The following FRMPD4 variants were observed in gnomAD, a reference collection of about 807,000 sequenced individuals.
The protein encoded by FRMPD4 is FERM and PDZ domain containing 4, also known as FERM and PDZ domain-containing protein 4.
Under a neutral mutation model 94.1 loss-of-function variants are expected in FRMPD4, and 22 were observed. The observed-to-expected ratio is 0.23, with a 90% CI of 0.17 to 0.33. FRMPD4 has a LOEUF of 0.33. FRMPD4 is among the 10% of genes least tolerant of loss of function. FRMPD4 has a pLI of 1.00. For missense variants in FRMPD4, 1,111 were observed against 1,339.9 expected, an observed-to-expected ratio of 0.83 and a Z score of 2.67; for synonymous variants, 631 against 548.6, an observed-to-expected ratio of 1.15 and a Z score of -2.10.
chrX:11,853,572 A>G (rs777561819), intron 1 of FRMPD4, among the ~76,000 whole-genome samples: 1 of 111,936 alleles, frequency 8.9e-6, no homozygotes, highest in East Asian at 2.8e-4. Flanking sequence ...CAGAAATTCA[A>G]ACAACCATCA....
At chrX:12,214,553 C>CCTAAATAAAGAGTGA (rs2056785718) in intron 1 of FRMPD4, among the ~76,000 whole-genome samples, 1 of 112,503 alleles carries the variant, frequency 8.9e-6, no homozygotes, top group Non-Finnish European at 1.9e-5. Context: ...GACCTCAAGG[C>CCTAAATAAAGAGTGA]AAAGAGAAAT....
At chrX:11,945,570 G>A (rs768999782) in intron 3 of FRMPD4, among the ~76,000 whole-genome samples, 7 of 111,805 alleles carry the variant, frequency 6.3e-5, no homozygotes, top group African/African-American at 2.3e-4. Context: ...AGTTTTGCAG[G>A]TTATACAAGC....
intron 1 of FRMPD4, among the ~76,000 whole-genome samples, chrX:12,349,362 T>C (rs112677546): frequency 9.0e-5 from 10 of 110,686 alleles, no homozygotes; most frequent in African/African-American, 3.0e-4. Flanking sequence ...TAAGTCCCGA[T>C]GTGATCAAAA....
chrX:12,446,809 G>A (rs1387530664), intron 1 of FRMPD4, among the ~76,000 whole-genome samples: 1 of 111,813 alleles, frequency 8.9e-6, no homozygotes, highest in East Asian at 2.8e-4. Context: ...GCAGCATGAA[G>A]GCTGACTAAT....
intron 1 of FRMPD4, among the ~76,000 whole-genome samples, chrX:12,389,723 A>G (rs2056450232): frequency 8.9e-6 from 1 of 111,844 alleles, no homozygotes; most frequent in South Asian, 3.8e-4. Flanking sequence ...ACAAGAAAGG[A>G]TCCCTGAATT....
chrX:12,114,491 C>A (rs1162168305), intron 3 of FRMPD4, among the ~76,000 whole-genome samples: 1 of 112,042 alleles, frequency 8.9e-6, no homozygotes, highest in Admixed American at 9.5e-5. Flanking sequence ...TATTACTTAA[C>A]CAAAAAGCTT....
chrX:11,932,181 A>C (rs368906803), intron 3 of FRMPD4, among the ~76,000 whole-genome samples: 4 of 112,242 alleles, frequency 3.6e-5, no homozygotes, highest in South Asian at 7.4e-4. Context: ...TATTGATGAT[A>C]TTTCATTTGT....
At chrX:12,403,397 C>T (rs1218188061) in intron 1 of FRMPD4, among the ~76,000 whole-genome samples, 1 of 111,154 alleles carries the variant, frequency 9.0e-6, no homozygotes, top group Non-Finnish European at 1.9e-5. Context: ...TTATTCAGGT[C>T]TTGGAAAATT....
chrX:12,525,284 C>T (rs747062342), intron 2 of FRMPD4, among the ~76,000 whole-genome samples: 1 of 111,655 alleles, frequency 9.0e-6, no homozygotes, highest in South Asian at 3.8e-4. Flanking sequence ...GAAGTTTAGG[C>T]ACAACTGACC....
At chrX:11,828,357 T>C (rs1174873429) in intron 1 of FRMPD4, among the ~76,000 whole-genome samples, 1 of 112,550 alleles carries the variant, frequency 8.9e-6, no homozygotes, top group Non-Finnish European at 1.9e-5. Context: ...TTTTGATATA[T>C]GAGAAAAGGA....
At chrX:11,840,866 G>A (rs766522215) in intron 1 of FRMPD4, among the ~76,000 whole-genome samples, 69 of 105,479 alleles carry the variant, frequency 6.5e-4, no homozygotes, top group African/African-American at 2.3e-3. Context: ...TTAGCATTAC[G>A]TATATCTCCT....
intron 1 of FRMPD4, among the ~76,000 whole-genome samples, chrX:11,846,892 A>G (rs773023271): frequency 9.1e-6 from 1 of 110,158 alleles, no homozygotes; most frequent in South Asian, 3.9e-4. Flanking sequence ...AAGATGGATT[A>G]AAGACTTAAA....
chrX:12,465,954 A>G (rs1485862643), intron 1 of FRMPD4, among the ~76,000 whole-genome samples: 8 of 104,714 alleles, frequency 7.6e-5, no homozygotes, highest in African/African-American at 2.6e-4. Flanking sequence ...GGGTACAGCC[A>G]TCAATTTCCC....
At position 12,562,277 on chromosome X, in the gene FRMPD4, T is replaced by A. The variant is rs191834957; in HGVS notation, c.159-47444T>A. ...TTTTTCTTAAAGTTCTATGTTCTTATGAGGATTTCCTCTATTTAACAAGGG... is the reference window on the plus strand; with the variant it reads ...TTTTTCTTAAAGTTCTATGTTCTTAAGAGGATTTCCTCTATTTAACAAGGG... On this transcript the variant is annotated intron_variant, in intron 2 of 16. Coordinates refer to ENST00000675598, the MANE Select transcript of FRMPD4 (RefSeq NM_001368397.1). 9.7e-5 allele frequency among the ~76,000 whole-genome samples: 11 copies of A among 112,927 alleles called. No homozygotes were observed. The East Asian group carries it at 3.0e-3, about 31-fold the overall frequency.
At chrX:11,932,062 C>T (rs995292435) in intron 3 of FRMPD4, among the ~76,000 whole-genome samples, 3 of 111,881 alleles carry the variant, frequency 2.7e-5, no homozygotes, top group African/African-American at 9.8e-5. Flanking sequence ...CTAATTAAAT[C>T]ATATTATTAA....
At chrX:12,232,352 G>A (rs376832848) in intron 1 of FRMPD4, among the ~76,000 whole-genome samples, 12 of 111,497 alleles carry the variant, frequency 1.1e-4, no homozygotes, top group African/African-American at 3.3e-4. Context: ...AAGGGGAAGC[G>A]AACACGTCCT....
intron 1 of FRMPD4, among the ~76,000 whole-genome samples, chrX:12,454,820 T>TG (rs1400662860): frequency 1.2e-4 from 13 of 106,945 alleles, no homozygotes; most frequent in Non-Finnish European, 2.1e-4. Flanking sequence ...GCCACGTTTT[T>TG]TTTTTTTTTT....
intron 1 of FRMPD4, among the ~76,000 whole-genome samples, chrX:12,314,553 G>A (rs769812815): frequency 9.0e-6 from 1 of 111,550 alleles, no homozygotes; most frequent in East Asian, 2.8e-4. Context: ...ATTATTCAGT[G>A]GTAATTGAGA....
intron 1 of FRMPD4, among the ~76,000 whole-genome samples, chrX:12,317,984 A>C (rs1455392238): frequency 8.9e-6 from 1 of 112,535 alleles, no homozygotes; most frequent in African/African-American, 3.2e-5. Flanking sequence ...CAGCATATCA[A>C]GGAGATATCT....
Sources: allele counts gnomAD v4.1 joint callset (sites outside exome capture counted in the v4.1 genomes callset), GRCh38; gene constraint gnomAD v4.1.1; transcripts MANE v1.5; gene names NCBI Gene and HGNC (gene_info 2026-07-23, HGNC 2026-07-21).